CYB5A: variants seen among roughly 807,000 people sequenced by gnomAD.
The protein encoded by CYB5A is cytochrome b5.
A neutral mutation model predicts 16.2 loss-of-function variants in CYB5A; 10 were observed. The ratio of observed to expected loss-of-function variants is 0.62; its 90% CI spans 0.38 to 1.04. The LOEUF (loss-of-function observed/expected upper bound fraction) is 1.04, where lower values mean the gene tolerates loss of function less well. Among genes scored for constraint, CYB5A ranks in the 50% least tolerant of loss-of-function variants. CYB5A has a pLI of 0.01. For missense variants in CYB5A, 161 were observed against 165.9 expected (o/e 0.97, Z 0.16); for synonymous variants, 62 against 57.0 (o/e 1.09, Z -0.40).
At chr18:74,259,469 C>A (rs1982113216) in intron 3 of CYB5A, 1 of 152,156 alleles carries the variant, frequency 6.6e-6, no homozygotes, top group Non-Finnish European at 1.5e-5. Flanking sequence ...GGCTGTAATA[C>A]ACGTGTTCTA....
chr18:74,284,449 T>C (rs1047826226), intron 1 of CYB5A, among the ~76,000 whole-genome samples: 1 of 152,076 alleles, frequency 6.6e-6, no homozygotes, highest in African/African-American at 2.4e-5. Context: ...ATGAATGGCA[T>C]TTACTTAATT....
At chr18:74,289,637 G>A (rs749411191) in intron 1 of CYB5A, among the ~76,000 whole-genome samples, 74 of 152,066 alleles carry the variant, frequency 4.9e-4, no homozygotes, top group Non-Finnish European at 7.6e-4. Flanking sequence ...TTAGCTGGGC[G>A]TGATGGTGTG....
At chr18:74,256,521 T>C (rs1431407746) in intron 3 of CYB5A, 11 of 398,346 alleles carry the variant, frequency 2.8e-5, no homozygotes, top group Non-Finnish European at 4.3e-5. Flanking sequence ...GAAAAACGCA[T>C]ACTTCTCCAA....
At chr18:74,281,347 G>T (rs1335282413) in intron 1 of CYB5A, among the ~76,000 whole-genome samples, 1 of 152,226 alleles carries the variant, frequency 6.6e-6, no homozygotes, top group Non-Finnish European at 1.5e-5. Flanking sequence ...GACAATCCAG[G>T]ATTCATTAGC....
chr18:74,278,309 C>T (rs566858991), intron 1 of CYB5A, among the ~76,000 whole-genome samples: 13 of 152,324 alleles, frequency 8.5e-5, no homozygotes, highest in Admixed American at 5.2e-4. Flanking sequence ...CTGAGTCCCT[C>T]AGGCACAGTC....
intron 1 of CYB5A, among the ~76,000 whole-genome samples, chr18:74,273,768 C>A (rs1261420152): frequency 6.6e-6 from 1 of 152,240 alleles, no homozygotes; most frequent in Non-Finnish European, 1.5e-5. Context: ...CAGCTCTACA[C>A]TCACAGCTCC....
chr18:74,263,640 T>C (rs1371680265), intron 1 of CYB5A, among the ~76,000 whole-genome samples, 163 bp from the exon 2 acceptor site: 2 of 152,214 alleles, frequency 1.3e-5, no homozygotes, highest in African/African-American at 2.4e-5. Context: ...CACAGGCCTT[T>C]ATATTCCATT....
chr18:74,266,462 CG>C (rs1008361792), intron 1 of CYB5A, among the ~76,000 whole-genome samples: 17 of 152,326 alleles, frequency 1.1e-4, no homozygotes, highest in African/African-American at 4.1e-4. Context: ...GTTCAAAGGA[CG>C]ACTTCGAGTG....
chr18:74,291,917 C>A lies in CYB5A; in HGVS notation c.-42G>T. On this transcript the variant is annotated 5_prime_UTR_variant, in exon 1 of 5. Coordinates refer to ENST00000340533, the MANE Select transcript of CYB5A (RefSeq NM_148923.4). Reference sequence around the variant, plus strand: ...CCAGGCCCAGCACACACAGCCCCGTCGGGTGGAGCAGAGCGCGCGACTCAG... The same window carrying A: ...CCAGGCCCAGCACACACAGCCCCGTAGGGTGGAGCAGAGCGCGCGACTCAG... The A allele has an allele frequency of 6.2e-7, 1 of 1,606,430 alleles. No individual in the cohort carries two copies. Among genetic ancestry groups the A allele is most frequent in the South Asian group, 1.1e-5 (1 of 90,994 alleles).
At chr18:74,291,597 G>A (rs1745891900) in intron 1 of CYB5A, 150 bp downstream of exon 1, 2 of 1,211,342 alleles carry the variant, frequency 1.7e-6, no homozygotes, top group Non-Finnish European at 2.3e-6. Context: ...TCGGAAGCGC[G>A]CCCAGGCGTA....
intron 1 of CYB5A, among the ~76,000 whole-genome samples, chr18:74,277,981 C>T (rs1484352749): frequency 6.6e-6 from 1 of 152,192 alleles, no homozygotes; most frequent in Non-Finnish European, 1.5e-5. Context: ...CTCTCCTTTC[C>T]ACTCTAGCAG....
At chr18:74,263,137 G>C (rs1238907572) in intron 2 of CYB5A, among the ~76,000 whole-genome samples, 1 of 124,484 alleles carries the variant, frequency 8.0e-6, no homozygotes, top group African/African-American at 3.0e-5. Context: ...GACAGAGTAA[G>C]ACCTGTCTCA....
At chr18:74,265,231 A>G (rs1333937201) in intron 1 of CYB5A, among the ~76,000 whole-genome samples, 1 of 152,078 alleles carries the variant, frequency 6.6e-6, no homozygotes, top group Non-Finnish European at 1.5e-5. Context: ...TTTTTATAAC[A>G]TTTATCCATC....
Position 74,253,552 on chromosome 18 carries a change from G to A in CYB5A, c.*32C>T, listed in dbSNP as rs775784325. The A allele has an allele frequency of 3.4e-6, 5 of 1,467,286 alleles. No homozygotes were observed. In the South Asian group the frequency reaches 5.7e-5, roughly 17 times the overall value. 90.9% of individuals were successfully genotyped at this position (1,467,286 alleles called of 1,614,324 possible). ...CTTCTTTTCTCCCGTGTCCAAAGCAGGCTCTTCCTGCGCTGACTTCTGAGG... is the reference window on the plus strand; with the variant it reads ...CTTCTTTTCTCCCGTGTCCAAAGCAAGCTCTTCCTGCGCTGACTTCTGAGG... On this transcript the variant is annotated 3_prime_UTR_variant, in exon 5 of 5. Transcript: ENST00000340533.
chr18:74,288,440 A>T (rs945532490), intron 1 of CYB5A, among the ~76,000 whole-genome samples: 1 of 152,262 alleles, frequency 6.6e-6, no homozygotes, highest in Admixed American at 6.5e-5. Context: ...GAAGGAGAAG[A>T]TAAATCTTTC....
intron 1 of CYB5A, among the ~76,000 whole-genome samples, chr18:74,270,803 C>T (rs1408564228): frequency 6.6e-6 from 1 of 152,160 alleles, no homozygotes; most frequent in African/African-American, 2.4e-5. Context: ...GGTTTGGTAT[C>T]GAGGGAGGTC....
In CYB5A at chr18:74,284,252, A is replaced by AAAAG. The variant is rs1555690735; in HGVS notation, c.129+7494_129+7495insCTTT. ...CATCTCCAAAAAAAAAAAAAAAAAA[A>AAAAG]AGAGAGATTAAAAGCACAAACGCAA... On this transcript the variant is annotated intron_variant, in intron 1 of 4. Coordinates refer to ENST00000340533, the MANE Select transcript of CYB5A (RefSeq NM_148923.4). 4.1e-4 allele frequency among the ~76,000 whole-genome samples: 60 copies of AAAAG among 147,392 alleles called. 1 individual carries two copies. Among genetic ancestry groups the AAAAG allele is most frequent in the South Asian group, 1.3e-3 (6 of 4,632 alleles).
At chr18:74,265,007 C>G (rs1982379660) in intron 1 of CYB5A, among the ~76,000 whole-genome samples, 1 of 152,144 alleles carries the variant, frequency 6.6e-6, no homozygotes, top group South Asian at 2.1e-4. Flanking sequence ...TCATCCTGAC[C>G]TTGAGCAAGT....
intron 1 of CYB5A, among the ~76,000 whole-genome samples, chr18:74,276,069 T>C (rs4892193): frequency 0.12 from 18,049 of 152,048 alleles, 1,381 homozygotes; most frequent in Admixed American, 0.19. Context: ...CAGCCCACTA[T>C]CCTCCACCTC....
Sources: allele counts gnomAD v4.1 joint callset (sites outside exome capture counted in the v4.1 genomes callset), GRCh38; gene constraint gnomAD v4.1.1; transcripts MANE v1.5; gene names NCBI Gene and HGNC (gene_info 2026-07-23, HGNC 2026-07-21).